Variants in LRP1B observed in about 807,000 individuals in gnomAD.
LRP1B encodes LDL receptor related protein 1B.
Under a neutral mutation model 556.6 loss-of-function variants are expected in LRP1B, and 217 were observed. That is an observed-to-expected ratio of 0.39 (90% CI 0.35 to 0.44). LRP1B has a LOEUF of 0.44. Among genes scored for constraint, LRP1B ranks in the 20% least tolerant of loss-of-function variants. The pLI is 1.00. For synonymous variants in LRP1B, 2,047 were observed against 1,865.8 expected (o/e 1.10, Z -2.50); for missense variants, 5,053 against 5,620.8 (o/e 0.90, Z 3.23).
chr2:142,008,858 A>G (rs2105150798), intron 1 of LRP1B, among the ~76,000 whole-genome samples: 1 of 152,148 alleles, frequency 6.6e-6, no homozygotes, highest in East Asian at 1.9e-4. Flanking sequence ...TTATTTATAT[A>G]TGCTTTTTTG....
chr2:141,487,737 C>A (rs1683173706), intron 2 of LRP1B, among the ~76,000 whole-genome samples: 1 of 152,166 alleles, frequency 6.6e-6, no homozygotes. Context: ...TTTTTATTTG[C>A]CTAAGAAAAT....
intron 11 of LRP1B, among the ~76,000 whole-genome samples, chr2:141,043,442 T>C (rs7603711): frequency 0.69 from 103,786 of 151,452 alleles, 37,223 homozygotes; most frequent in Non-Finnish European, 0.77. Context: ...TATCCCTATA[T>C]GTCTATTATG....
intron 1 of LRP1B, among the ~76,000 whole-genome samples, chr2:141,888,604 C>A (rs1471558026): frequency 6.6e-6 from 1 of 152,022 alleles, no homozygotes; most frequent in African/African-American, 2.4e-5. Context: ...GATGAAATAC[C>A]TTCCACAGAC....
At chr2:140,469,252 G>T (rs1339463513) in intron 60 of LRP1B, among the ~76,000 whole-genome samples, 2 of 152,132 alleles carry the variant, frequency 1.3e-5, no homozygotes, top group African/African-American at 4.8e-5. Context: ...TCGTAAATGG[G>T]AATGGTGCCC....
chr2:142,028,404 A>C (rs532011475), intron 1 of LRP1B, among the ~76,000 whole-genome samples: 15 of 152,024 alleles, frequency 9.9e-5, no homozygotes, highest in African/African-American at 3.6e-4. Flanking sequence ...TGCCTTTTCT[A>C]GAATGTCATA....
chr2:140,854,303 T>C (rs531477750), intron 27 of LRP1B, among the ~76,000 whole-genome samples: 171 of 152,244 alleles, frequency 1.1e-3, no homozygotes, highest in African/African-American at 3.9e-3. Context: ...AAAAAATATA[T>C]ATTTTTGAAG....
chr2:140,835,679 A>T (rs1001456255), intron 31 of LRP1B, among the ~76,000 whole-genome samples: 4 of 152,108 alleles, frequency 2.6e-5, no homozygotes, highest in African/African-American at 9.7e-5. Context: ...CTGGGATTAC[A>T]GGCGCTCGCC....
intron 33 of LRP1B, among the ~76,000 whole-genome samples, chr2:140,773,097 A>G (rs980693361): frequency 7.1e-6 from 1 of 141,764 alleles, no homozygotes; most frequent in Non-Finnish European, 1.6e-5. Context: ...TCAACAAACA[A>G]ACAAACAAAC....
At chr2:142,087,126 A>G (rs1009560110) in intron 1 of LRP1B, among the ~76,000 whole-genome samples, 4 of 152,126 alleles carry the variant, frequency 2.6e-5, no homozygotes, top group African/African-American at 7.2e-5. Context: ...AAGCCCCTGT[A>G]GTTTTCTATT....
At chr2:140,630,784 A>G (rs1683852885) in intron 41 of LRP1B, among the ~76,000 whole-genome samples, 1 of 152,208 alleles carries the variant, frequency 6.6e-6, no homozygotes, top group Non-Finnish European at 1.5e-5. Flanking sequence ...CTAGAGCCCT[A>G]TCAAATGCTG....
chr2:141,265,238 C>A (rs1204456822), intron 3 of LRP1B, among the ~76,000 whole-genome samples: 1 of 152,300 alleles, frequency 6.6e-6, no homozygotes, highest in South Asian at 2.1e-4. Flanking sequence ...TGGAAGGACA[C>A]ACACCCAGGG....
At chr2:141,209,760 A>G (rs2105248303) in intron 6 of LRP1B, among the ~76,000 whole-genome samples, 1 of 152,176 alleles carries the variant, frequency 6.6e-6, no homozygotes, top group East Asian at 1.9e-4. Flanking sequence ...AGGAAAAAGA[A>G]AAGGAGAAAG....
At chr2:141,244,276 A>G (rs1683990469) in intron 5 of LRP1B, among the ~76,000 whole-genome samples, 1 of 152,154 alleles carries the variant, frequency 6.6e-6, no homozygotes, top group African/African-American at 2.4e-5. Flanking sequence ...TTGGCTTGAT[A>G]TTTTTATAGT....
At chr2:141,117,322 G>C (rs1200228376) in intron 7 of LRP1B, among the ~76,000 whole-genome samples, 1 of 149,516 alleles carries the variant, frequency 6.7e-6, no homozygotes, top group African/African-American at 2.5e-5. Context: ...GATAATTCTT[G>C]GTGTTTTGTG....
chr2:140,776,303 T>C (rs1241399430), intron 32 of LRP1B, 65 bp from the exon 33 acceptor site: 1 of 1,053,408 alleles, frequency 9.5e-7, no homozygotes, highest in Non-Finnish European at 1.3e-6. Flanking sequence ...TAATAAATAC[T>C]TACTAAACTA....
At chr2:141,465,518 A>T (rs1356052400) in intron 3 of LRP1B, among the ~76,000 whole-genome samples, 1 of 147,560 alleles carries the variant, frequency 6.8e-6, no homozygotes, top group Non-Finnish European at 1.5e-5. Flanking sequence ...GGTATTTGCC[A>T]GTTTTTTGCT....
At chr2:141,867,020 A>G (rs556830813) in intron 1 of LRP1B, among the ~76,000 whole-genome samples, 1 of 152,240 alleles carries the variant, frequency 6.6e-6, no homozygotes. Flanking sequence ...CCATTAGTCT[A>G]TTTAGGTCAA....
Position 141,004,774 on chromosome 2 carries a change from G to A in LRP1B, c.2503+561C>T, listed in dbSNP as rs116703363. 3.1e-3 allele frequency among the ~76,000 whole-genome samples: 467 copies of A among 152,124 alleles called. 2 individuals carry two copies. The highest frequency in any genetic ancestry group is 0.011 in the African/African-American group (454 of 41,508). On this transcript the variant is annotated intron_variant, in intron 15 of 90. Transcript: ENST00000389484. ...TGAAGGGGCACCACATGGGGTAGAA[G>A]GAATCAGTTTCAAAAGTCATAACAG...
chr2:141,573,502 C>T (rs959144545), intron 2 of LRP1B, among the ~76,000 whole-genome samples: 5 of 151,682 alleles, frequency 3.3e-5, no homozygotes, highest in Non-Finnish European at 7.4e-5. Context: ...AGAAAAATCT[C>T]AAATTGACAC....
Sources: gnomAD v4.1 joint callset for allele counts (sites outside exome capture counted in the v4.1 genomes callset) on GRCh38, gnomAD v4.1.1 for gene constraint, MANE v1.5 for transcripts, NCBI Gene and HGNC (gene_info 2026-07-23, HGNC 2026-07-21) for gene names.